PKP1: variants seen among roughly 807,000 people sequenced by gnomAD.
PKP1 encodes plakophilin 1.
PKP1 carries 27 observed loss-of-function variants against 76.4 expected under a neutral mutation model. That is an observed-to-expected ratio of 0.35 (90% CI 0.26 to 0.49). The LOEUF (loss-of-function observed/expected upper bound fraction) is 0.49, where lower values mean the gene tolerates loss of function less well. Among genes scored for constraint, PKP1 ranks in the 20% least tolerant of loss-of-function variants. The pLI, the probability that PKP1 is intolerant of heterozygous loss-of-function variation, is 0.99. For synonymous variants in PKP1, 404 were observed against 384.2 expected (o/e 1.05, Z -0.60); for missense variants, 964 against 955.2 (o/e 1.01, Z -0.12).
chr1:201,294,127 G>T, intron 2 of PKP1, 82 bp downstream of exon 2: 1 of 930,868 alleles, frequency 1.1e-6, no homozygotes, highest in Non-Finnish European at 1.7e-6. Flanking sequence ...ACCGGCACCA[G>T]TTGCTAAAAA....
intron 1 of PKP1, among the ~76,000 whole-genome samples, chr1:201,287,154 A>C (rs1371324004): frequency 6.6e-6 from 1 of 152,040 alleles, no homozygotes; most frequent in Non-Finnish European, 1.5e-5. Context: ...TCCCTTCTTC[A>C]TAGAAGTACT....
intron 2 of PKP1, among the ~76,000 whole-genome samples, chr1:201,295,197 G>C (rs1400298494): frequency 6.6e-6 from 1 of 152,134 alleles, no homozygotes; most frequent in Non-Finnish European, 1.5e-5. Flanking sequence ...GGGGAGAGGA[G>C]AGGGTGAGGA....
At position 201,313,376 on chromosome 1, in the gene PKP1, G is replaced by C; in HGVS notation, c.517G>C (p.Gly173Arg). Reference sequence around the variant, plus strand: ...GGGCACCCTGCGCAAGGGCACGCTGGGCAGCAAGGGCCAGAAGACCACCCA... The same window carrying C: ...GGGCACCCTGCGCAAGGGCACGCTGCGCAGCAAGGGCCAGAAGACCACCCA... ...PRGTLRKGTL[G>R]SKGQKTTQNR... Residue 173 changes from glycine to arginine, a missense_variant, in exon 3 of 14, where the codon GGC (glycine) becomes CGC (arginine). Transcript: ENST00000367324. 6.3e-7 allele frequency: 1 copy of C among 1,581,270 alleles called. No homozygotes were observed. The highest frequency in any genetic ancestry group is 8.6e-7 in the Non-Finnish European group (1 of 1,163,402).
chr1:201,317,872 C>T, intron 5 of PKP1, 93 bp downstream of exon 5: 2 of 1,228,590 alleles, frequency 1.6e-6, no homozygotes, highest in South Asian at 1.3e-5. Context: ...TCTCTCCAGG[C>T]TGGGCCAAGA....
intron 1 of PKP1, among the ~76,000 whole-genome samples, chr1:201,287,995 C>A (rs1655786507): frequency 1.3e-5 from 2 of 152,164 alleles, no homozygotes; most frequent in African/African-American, 4.8e-5. Flanking sequence ...ACACAATACA[C>A]CCCACACATG....
In PKP1 at chr1:201,316,604, G is replaced by A; in HGVS notation, c.753G>A (p.Val251=). Residue 251 remains valine, a synonymous_variant, in exon 4 of 14, where the codon GTG becomes GTA. Coordinates refer to ENST00000367324, the MANE Select transcript of PKP1 (RefSeq NM_001005337.3). ...ECSGLTIPKA[V]QYLSSQDEKY... The stretch of plus-strand genomic sequence containing the variant: ...GTGGGCTGACCATCCCCAAGGCTGT[G>A]CAGTACCTGAGCTCCCAGGATGAGA... 6.2e-7 allele frequency: 1 copy of A among 1,612,666 alleles called. No homozygotes were observed. The highest frequency in any genetic ancestry group is 8.5e-7 in the Non-Finnish European group (1 of 1,179,448).
At chr1:201,300,278 G>A (rs969437207) in intron 2 of PKP1, among the ~76,000 whole-genome samples, 4 of 152,266 alleles carry the variant, frequency 2.6e-5, no homozygotes, top group African/African-American at 9.6e-5. Context: ...CTGCCACTGG[G>A]ACACTCCCTG....
chr1:201,323,342 A>T (rs1657007354), intron 9 of PKP1, among the ~76,000 whole-genome samples, 153 bp downstream of exon 9: 1 of 152,042 alleles, frequency 6.6e-6, no homozygotes, highest in African/African-American at 2.4e-5. Flanking sequence ...TGGGCTGGGC[A>T]ATGGGGAAAC....
chr1:201,318,875 A>C (rs1656852849), intron 6 of PKP1, 80 bp downstream of exon 6: 1 of 1,228,596 alleles, frequency 8.1e-7, no homozygotes, highest in Non-Finnish European at 1.2e-6. Flanking sequence ...GCCAACATTC[A>C]GCCGGTGCAT....
At chr1:201,324,404 C>T (rs1164713338) in intron 9 of PKP1, 24 bp from the exon 10 acceptor site, 1 of 1,613,764 alleles carries the variant, frequency 6.2e-7, no homozygotes, top group South Asian at 1.1e-5. Flanking sequence ...CAGGCTAGCT[C>T]ATCATCTACT....
intron 2 of PKP1, among the ~76,000 whole-genome samples, chr1:201,310,549 G>T (rs1656516600): frequency 6.6e-6 from 1 of 152,220 alleles, no homozygotes; most frequent in Non-Finnish European, 1.5e-5. Context: ...AGGCCAATTT[G>T]TGCAGGGAGA....
intron 6 of PKP1, 52 bp downstream of exon 6, chr1:201,318,847 C>A: frequency 1.4e-6 from 2 of 1,438,752 alleles, no homozygotes; most frequent in Non-Finnish European, 1.9e-6. Context: ...GGGCCCTTCC[C>A]CAGGCAGCCC....
At position 201,322,020 on chromosome 1, in the gene PKP1, C is replaced by G. The variant is rs374293363; in HGVS notation, c.1390C>G (p.Arg464Gly). The change falls in exon 8 of 14, where the codon CGC (arginine) becomes GGC (glycine). Residue 464 changes from arginine to glycine, a missense_variant. By Grantham distance (125) the Arg-to-Gly change is moderately radical. Coordinates refer to ENST00000367324, the MANE Select transcript of PKP1 (RefSeq NM_001005337.3). ...CMCVLHNLSY[R>G]LDAEVPTRYR... Reference sequence around the variant, plus strand: ...GTGTGTTCTGCACAACCTCTCCTACCGCCTGGACGCCGAGGTGCCCACCCG... The same window carrying G: ...GTGTGTTCTGCACAACCTCTCCTACGGCCTGGACGCCGAGGTGCCCACCCG... The G allele has an allele frequency of 1.9e-6, 3 of 1,613,980 alleles. No homozygotes were observed. In the African/African-American group the frequency reaches 4.0e-5, roughly 22 times the overall value.
chr1:201,290,755 G>T (rs985655613), intron 1 of PKP1, among the ~76,000 whole-genome samples: 4 of 152,314 alleles, frequency 2.6e-5, no homozygotes, highest in Admixed American at 6.5e-5. Flanking sequence ...TGAACTCAAG[G>T]TCCCAGGGAA....
chr1:201,325,424 G>T (rs995968862), intron 11 of PKP1, among the ~76,000 whole-genome samples: 3 of 152,114 alleles, frequency 2.0e-5, no homozygotes, highest in Non-Finnish European at 4.4e-5. Flanking sequence ...GGGGCAGCAG[G>T]TCCAACTGAA....
intron 2 of PKP1, among the ~76,000 whole-genome samples, chr1:201,299,076 C>T (rs540548512): frequency 1.3e-5 from 2 of 152,204 alleles, no homozygotes; most frequent in African/African-American, 2.4e-5. Flanking sequence ...GAGGGGCTGC[C>T]GGGGAGAAAC....
chr1:201,293,239 C>T (rs1384256472), intron 1 of PKP1, among the ~76,000 whole-genome samples: 2 of 152,182 alleles, frequency 1.3e-5, no homozygotes, highest in Non-Finnish European at 2.9e-5. Context: ...CCACTAGGAG[C>T]CCCAAATCCA....
intron 2 of PKP1, among the ~76,000 whole-genome samples, chr1:201,299,709 A>T (rs1656170216): frequency 6.6e-6 from 1 of 152,038 alleles, no homozygotes; most frequent in Non-Finnish European, 1.5e-5. Context: ...AACAGCAGTT[A>T]GTTAGCCCTT....
In PKP1 at chr1:201,283,761, A is replaced by T; in HGVS notation, c.59A>T (p.Asn20Ile). 1 of 1,614,002 alleles carries T rather than the reference A, an allele frequency of 6.2e-7. No individual in the cohort carries two copies. The highest frequency in any genetic ancestry group is 8.5e-7 in the Non-Finnish European group (1 of 1,179,950). Residue 20 changes from asparagine to isoleucine, a missense_variant, in exon 1 of 14, where the codon AAC (asparagine) becomes ATC (isoleucine). Asn to Ile is a moderately radical substitution (Grantham distance 149, BLOSUM62 -3). Transcript: ENST00000367324. ...TACGAATGCTTCCAGGACCAGGACA[A>T]CTCCACGTTGGCTTTGCCGTCGGAC... is the stretch of plus-strand genomic sequence containing the variant. ...LAYECFQDQD[N>I]STLALPSDQK...
Sources: allele counts gnomAD v4.1 joint callset (sites outside exome capture counted in the v4.1 genomes callset), GRCh38; gene constraint gnomAD v4.1.1; transcripts MANE v1.5; gene names NCBI Gene and HGNC (gene_info 2026-07-23, HGNC 2026-07-21).